Variants in NAP1L1 observed in about 807,000 individuals in gnomAD.
The protein encoded by NAP1L1 is nucleosome assembly protein 1-like 1.
Under a neutral mutation model 58.9 loss-of-function variants are expected in NAP1L1, and 9 were observed. That is an observed-to-expected ratio of 0.15 (90% CI 0.09 to 0.27). The LOEUF (loss-of-function observed/expected upper bound fraction) is 0.27. NAP1L1 is among the 10% of genes least tolerant of loss of function. NAP1L1 has a pLI of 1.00. For missense variants in NAP1L1, 302 were observed against 458.8 expected, an observed-to-expected ratio of 0.66 and a Z score of 3.12; for synonymous variants, 130 against 138.3, an observed-to-expected ratio of 0.94 and a Z score of 0.42.
At chr12:76,059,132 T>C (rs922793731) in intron 6 of NAP1L1, among the ~76,000 whole-genome samples, 1 of 152,242 alleles carries the variant, frequency 6.6e-6, no homozygotes, top group Non-Finnish European at 1.5e-5. Flanking sequence ...AAATTGCAAA[T>C]GTTATAAGTG....
chr12:76,053,490 A>T (rs1332871232), intron 9 of NAP1L1, 140 bp from the exon 10 acceptor site: 2 of 1,003,884 alleles, frequency 2.0e-6, no homozygotes, highest in Non-Finnish European at 2.9e-6. Context: ...TATAAAGGGA[A>T]AAATTTTATT....
At chr12:76,052,705 C>T (rs756573451) in intron 11 of NAP1L1, among the ~76,000 whole-genome samples, 2 of 152,094 alleles carry the variant, frequency 1.3e-5, no homozygotes, top group Non-Finnish European at 2.9e-5. Context: ...CATACTTAGT[C>T]ACAATATGAA....
In NAP1L1 at chr12:76,068,954, C is replaced by A; in HGVS notation, c.58G>T (p.Glu20Ter). ...CCAGTTTCCTCTTCTTCTACTTCTTCAACATCATCCAAATCTTGATCAAGT... is the reference window on the plus strand; with the variant it reads ...CCAGTTTCCTCTTCTTCTACTTCTTAAACATCATCCAAATCTTGATCAAGT... ...SELDQDLDDV[E>*]EVEEEETGEE... The change falls in exon 3 of 15, where the codon GAA becomes TAA. Residue 20 changes from glutamate to a stop codon, truncating the protein, a stop_gained. Transcript: ENST00000618691. LOFTEE classifies it high-confidence loss of function. 6.2e-7 allele frequency: 1 copy of A among 1,613,354 alleles called. No individual in the cohort carries two copies. Among genetic ancestry groups the A allele is most frequent in the East Asian group, 2.2e-5 (1 of 44,856 alleles).
chr12:76,059,578 C>A (rs1949305871), intron 6 of NAP1L1: 3 of 450,454 alleles, frequency 6.7e-6, no homozygotes, highest in Admixed American at 4.2e-5. Context: ...AAACTTAGAA[C>A]CCATGAAACC....
intron 2 of NAP1L1, among the ~76,000 whole-genome samples, chr12:76,069,403 T>C (rs1949841945): frequency 6.6e-6 from 1 of 152,236 alleles, no homozygotes; most frequent in Non-Finnish European, 1.5e-5. Context: ...TACACTATTT[T>C]GACAGCAAGA....
intron 1 of NAP1L1, among the ~76,000 whole-genome samples, chr12:76,076,551 TATATA>T (rs1264374392): frequency 0.031 from 150 of 4,876 alleles, 1 homozygote; most frequent in Non-Finnish European, 0.045. Flanking sequence ...GATATGGAAA[TATATA>T]TATATATATA....
intron 11 of NAP1L1, 125 bp downstream of exon 11, chr12:76,052,966 C>T: frequency 1.3e-6 from 1 of 751,034 alleles, no homozygotes; most frequent in Non-Finnish European, 2.1e-6. Context: ...TCCAAAAAGT[C>T]TGCCCCATGC....
chr12:76,042,427 T>C lies in NAP1L1; in HGVS notation c.*6002A>G, dbSNP rs974091971. 1 of 152,158 alleles carries C rather than the reference T, an allele frequency of 6.6e-6. No individual in the cohort carries two copies. The highest frequency in any genetic ancestry group is 2.4e-5 in the African/African-American group (1 of 41,446). The allele number at this position is 152,158 out of a possible 1,614,324, so 9.4% of individuals were successfully genotyped here. ...GTTTAAAGACACTACCCAAAGACACTACTTGTATTCTCACACATATCCATT... is the reference window on the plus strand; with the variant it reads ...GTTTAAAGACACTACCCAAAGACACCACTTGTATTCTCACACATATCCATT... On this transcript the variant is annotated 3_prime_UTR_variant, in exon 15 of 15. Coordinates refer to ENST00000618691, the MANE Select transcript of NAP1L1 (RefSeq NM_004537.7).
chr12:76,069,020 G>A, intron 2 of NAP1L1, 26 bp from the exon 3 acceptor site: 2 of 1,500,616 alleles, frequency 1.3e-6, no homozygotes, highest in South Asian at 1.2e-5. Flanking sequence ...ATCACACCAA[G>A]GTTCAAATGT....
Position 76,043,592 on chromosome 12 carries a change from C to A in NAP1L1, c.*4837G>T, listed in dbSNP as rs1201610099. Reference sequence around the variant, plus strand: ...AAACCCATTAAGAGGACTTCCACAGCTAAACTTTCTATGGACTGGCCACTT... The same window carrying A: ...AAACCCATTAAGAGGACTTCCACAGATAAACTTTCTATGGACTGGCCACTT... On this transcript the variant is annotated 3_prime_UTR_variant, in exon 15 of 15. Coordinates refer to ENST00000618691, the MANE Select transcript of NAP1L1 (RefSeq NM_004537.7). The A allele has an allele frequency of 1.3e-5, 2 of 152,048 alleles. No homozygotes were observed. Among genetic ancestry groups the A allele is most frequent in the Non-Finnish European group, 1.5e-5 (1 of 68,038 alleles). 9.4% of individuals were successfully genotyped at this position (152,048 alleles called of 1,614,324 possible). A position where few individuals can be genotyped will look rare whatever the true frequency, so the allele number is the denominator to read the frequency against.
chr12:76,076,169 A>G (rs1950161819), intron 1 of NAP1L1, among the ~76,000 whole-genome samples: 1 of 152,146 alleles, frequency 6.6e-6, no homozygotes, highest in African/African-American at 2.4e-5. Context: ...CTCTCATTTC[A>G]AAGTTTCACT....
intron 4 of NAP1L1, chr12:76,061,149 T>C: frequency 3.7e-6 from 1 of 271,802 alleles, no homozygotes; most frequent in Non-Finnish European, 7.6e-6. Flanking sequence ...CAATGAACTG[T>C]GAAGCACTAT....
At chr12:76,053,964 C>T in intron 8 of NAP1L1, 55 bp from the exon 9 acceptor site, 1 of 1,513,972 alleles carries the variant, frequency 6.6e-7, no homozygotes, top group Admixed American at 2.3e-5. Flanking sequence ...TATTTCAGTA[C>T]TTTAGTAAAC....
chr12:76,054,036 A>G, intron 8 of NAP1L1, 127 bp from the exon 9 acceptor site: 2 of 1,133,522 alleles, frequency 1.8e-6, no homozygotes, highest in Middle Eastern at 2.4e-4. Context: ...TCTGAAATAC[A>G]ATCTTCTTTT....
At chr12:76,057,449 C>T (rs773274713) in intron 6 of NAP1L1, 14 of 600,054 alleles carry the variant, frequency 2.3e-5, no homozygotes, top group Non-Finnish European at 3.9e-5. Flanking sequence ...AGGCCCTGGC[C>T]GGGGAAACGA....
chr12:76,071,746 C>A (rs750503474), intron 2 of NAP1L1, among the ~76,000 whole-genome samples: 11 of 152,100 alleles, frequency 7.2e-5, no homozygotes, highest in Admixed American at 1.3e-4. Context: ...ATCATTAGAT[C>A]TTCTCTACAC....
intron 2 of NAP1L1, among the ~76,000 whole-genome samples, chr12:76,070,827 T>C (rs1433363): frequency 0.16 from 25,028 of 152,146 alleles, 3,045 homozygotes; most frequent in East Asian, 0.54. Context: ...AAATCACCTC[T>C]AGATTACTTA....
At chr12:76,071,409 C>A (rs938922467) in intron 2 of NAP1L1, among the ~76,000 whole-genome samples, 7 of 152,150 alleles carry the variant, frequency 4.6e-5, no homozygotes, top group African/African-American at 1.7e-4. Flanking sequence ...ATGGCAGATG[C>A]CACAAACTCA....
rs976482829 is a variant in NAP1L1, at chr12:76,064,243, G to T, written c.206+3128C>A. The stretch of plus-strand genomic sequence containing the variant: ...AAAGGAAGACACATATCAGTAAAAT[G>T]AAACAAGAGAACAAGAAATGTTCAT... On this transcript the variant is annotated intron_variant, in intron 4 of 14. Transcript: ENST00000618691. Among the ~76,000 whole-genome samples the T allele has an allele frequency of 4.6e-5, 7 of 152,124 alleles. No homozygotes were observed. The South Asian group carries it at 1.2e-3, about 27-fold the overall frequency.
Sources: allele counts gnomAD v4.1 joint callset (sites outside exome capture counted in the v4.1 genomes callset), GRCh38; gene constraint gnomAD v4.1.1; transcripts MANE v1.5; gene names NCBI Gene and HGNC (gene_info 2026-07-23, HGNC 2026-07-21).